TERF2: variants seen among roughly 807,000 people sequenced by gnomAD.
TERF2 encodes the protein telomeric repeat binding factor 2.
TERF2 carries 16 observed loss-of-function variants against 56.1 expected under a neutral mutation model. That is an observed-to-expected ratio of 0.29 (90% CI 0.19 to 0.43). The LOEUF (loss-of-function observed/expected upper bound fraction) is 0.43, where lower values mean the gene tolerates loss of function less well. TERF2 is among the 20% of genes least tolerant of loss of function. The probability of loss-of-function intolerance (pLI) is 1.00; values close to 1 mark genes in which losing one functional copy is unlikely to be tolerated. For synonymous variants in TERF2, 296 were observed against 282.1 expected (o/e 1.05, Z -0.50); for missense variants, 547 against 712.9 (o/e 0.77, Z 2.65).
At chr16:69,375,858 T>C (rs1268158155) in intron 3 of TERF2, among the ~76,000 whole-genome samples, 3 of 151,786 alleles carry the variant, frequency 2.0e-5, no homozygotes, top group Non-Finnish European at 2.9e-5. Context: ...TTTCATGTAA[T>C]TTTTTTTTAC....
chr16:69,371,679 G>A (rs935535598), intron 4 of TERF2, among the ~76,000 whole-genome samples: 8 of 152,034 alleles, frequency 5.3e-5, no homozygotes, highest in Middle Eastern at 3.2e-3. Context: ...GCCATGTGTG[G>A]TGGCATGCAG....
rs1461020809 is a variant in TERF2 at position 69,366,985 on chromosome 16, C to T, written c.1162G>A (p.Gly388Ser). ...TTCTTGGGCTGCAGTTCCGAGCCAC[C>T]CTCACCGTCAGCCGGGGCTGAACTT... is the stretch of plus-strand genomic sequence containing the variant. ...NESSAPADGEGGSELQPKNKR... is the reference protein window; with the variant it reads ...NESSAPADGESGSELQPKNKR... The change falls in exon 7 of 10, where the codon GGT (glycine) becomes AGT (serine). Residue 388 changes from glycine to serine, a missense_variant. This residue lies in a region of TERF2 where 211 missense variants were observed against 236.8 expected (regional missense o/e 0.89). Coordinates refer to ENST00000254942, the MANE Select transcript of TERF2 (RefSeq NM_005652.5). 1 of 1,614,178 alleles carries T rather than the reference C, an allele frequency of 6.2e-7. No homozygotes were observed. Among genetic ancestry groups the T allele is most frequent in the South Asian group, 1.1e-5 (1 of 91,086 alleles).
intron 3 of TERF2, among the ~76,000 whole-genome samples, chr16:69,374,916 G>T (rs777696264): frequency 1.1e-4 from 17 of 151,872 alleles, no homozygotes; most frequent in Admixed American, 2.0e-4. Context: ...AGTGAGCCGA[G>T]ATTGCGCCAC....
At chr16:69,383,121 G>A (rs757476863) in intron 3 of TERF2, among the ~76,000 whole-genome samples, 3 of 152,112 alleles carry the variant, frequency 2.0e-5, no homozygotes, top group Non-Finnish European at 2.9e-5. Context: ...TCCAGAAGAG[G>A]GGCCAGATGG....
chr16:69,371,061 GA>G lies in TERF2; in HGVS notation c.694-433del, dbSNP rs796146906. Among the ~76,000 whole-genome samples the G allele has an allele frequency of 5.4e-3, 752 of 138,170 alleles. 11 individuals carry two copies. Among genetic ancestry groups the G allele is most frequent in the African/African-American group, 0.017 (641 of 37,662 alleles). The allele number at this position is 138,170 out of a possible 152,430, so 90.6% of individuals were successfully genotyped here. ...ATAGAGGATCTTTGAAAGGATAAAA[GA>G]AAAAAAAAAAGAAATTGGTTGCCTC... On this transcript the variant is annotated intron_variant, in intron 4 of 9. Transcript: ENST00000254942.
chr16:69,360,705 CAAAAAAAAAAAA>C (rs1204701669), intron 8 of TERF2, among the ~76,000 whole-genome samples: 1 of 65,470 alleles, frequency 1.5e-5, no homozygotes, highest in Non-Finnish European at 2.9e-5. Flanking sequence ...GACCCTGTCT[CAAAAAAAAAAAA>C]AAAAAAAAAG....
intron 5 of TERF2, chr16:69,370,278 C>G: frequency 1.6e-6 from 1 of 615,824 alleles, no homozygotes; most frequent in Non-Finnish European, 2.7e-6. Context: ...TGATCCACCC[C>G]CCTGGGCCTC....
Position 69,385,600 on chromosome 16 carries a change from G to A in TERF2, c.372C>T (p.Ile124=). Residue 124 remains isoleucine (I), a synonymous_variant, in exon 1 of 10, where the codon ATC becomes ATT. Coordinates refer to ENST00000254942, the MANE Select transcript of TERF2 (RefSeq NM_005652.5). ...RYGDFRQIRD[I]MQALLVRPLG... is the part of the protein sequence containing the mutation. ...CCCCGGCCCGGCCCTCACCCTGCAT[G>A]ATGTCCCGGATCTGTCTGAAGTCCC... The A allele has an allele frequency of 6.3e-7, 1 of 1,599,738 alleles. No individual in the cohort carries two copies. The highest frequency in any genetic ancestry group is 8.5e-7 in the Non-Finnish European group (1 of 1,175,366).
chr16:69,361,313 A>G, intron 8 of TERF2, 91 bp downstream of exon 8: 1 of 898,974 alleles, frequency 1.1e-6, no homozygotes, highest in Admixed American at 2.0e-5. Context: ...TAGTTCGGAG[A>G]CAAGCAGCTT....
intron 8 of TERF2, among the ~76,000 whole-genome samples, chr16:69,360,436 G>A (rs2013091489): frequency 6.6e-6 from 1 of 151,852 alleles, no homozygotes; most frequent in Non-Finnish European, 1.5e-5. Context: ...TGGTATGGTG[G>A]CTCACAAGTA....
chr16:69,383,580 C>G (rs1014434590), intron 3 of TERF2, among the ~76,000 whole-genome samples: 2 of 152,192 alleles, frequency 1.3e-5, no homozygotes, highest in Non-Finnish European at 2.9e-5. Context: ...TTGGAAATGA[C>G]TAATATTTAA....
chr16:69,364,570 T>C (rs929788664), intron 7 of TERF2, among the ~76,000 whole-genome samples: 6 of 151,796 alleles, frequency 4.0e-5, no homozygotes, highest in Non-Finnish European at 5.9e-5. Context: ...CTTCACTCTT[T>C]CCTATGCACC....
chr16:69,372,336 T>C lies in TERF2; in HGVS notation c.626A>G (p.Lys209Arg), dbSNP rs1375522278. The C allele has an allele frequency of 1.2e-6, 2 of 1,610,770 alleles. No individual in the cohort carries two copies. The highest frequency in any genetic ancestry group is 1.7e-6 in the Non-Finnish European group (2 of 1,178,404). ...TGAAGCCTTTTCAAATTCTTTGTTT[T>C]TGATACAAATAATGACAGCCTAAAA... is the stretch of plus-strand genomic sequence containing the variant. ...VKEAAVIICIKNKEFEKASKI... is the reference protein window; with the variant it reads ...VKEAAVIICIRNKEFEKASKI... The change falls in exon 4 of 10, where the codon AAA (lysine) becomes AGA (arginine). Residue 209 changes from lysine (K) to arginine (R), a missense_variant. By Grantham distance (26) the Lys-to-Arg change is conservative. Coordinates refer to ENST00000254942, the MANE Select transcript of TERF2 (RefSeq NM_005652.5).
At chr16:69,372,781 A>C (rs2013625752) in intron 3 of TERF2, among the ~76,000 whole-genome samples, 1 of 151,956 alleles carries the variant, frequency 6.6e-6, no homozygotes, top group Non-Finnish European at 1.5e-5. Context: ...ACAAACAAAC[A>C]ATTATTGTTC....
At chr16:69,359,283 T>A (rs2013036627) in intron 8 of TERF2, among the ~76,000 whole-genome samples, 1 of 152,192 alleles carries the variant, frequency 6.6e-6, no homozygotes, top group Non-Finnish European at 1.5e-5. Context: ...ATCCCAGCAC[T>A]TTGGGAGGCC....
intron 3 of TERF2, among the ~76,000 whole-genome samples, chr16:69,374,964 C>CA (rs1469472250): frequency 2.6e-5 from 4 of 151,864 alleles, no homozygotes; most frequent in Non-Finnish European, 5.9e-5. Flanking sequence ...GACTCCGTCT[C>CA]AAAAAACAAG....
At chr16:69,370,259 G>A (rs1196335632) in intron 5 of TERF2, 1 of 531,826 alleles carries the variant, frequency 1.9e-6, no homozygotes, top group East Asian at 3.1e-5. Context: ...TCGAACTCCT[G>A]ACCTCAGGTG....
At chr16:69,370,957 G>T (rs1011923137) in intron 4 of TERF2, among the ~76,000 whole-genome samples, 2 of 151,326 alleles carry the variant, frequency 1.3e-5, no homozygotes, top group Non-Finnish European at 2.9e-5. Flanking sequence ...GTATGTGTAT[G>T]AGAAGAATGG....
intron 6 of TERF2, 135 bp downstream of exon 6, chr16:69,368,241 T>G: frequency 1.3e-6 from 1 of 759,972 alleles, no homozygotes; most frequent in Non-Finnish European, 2.1e-6. Context: ...TCTCCCCCAG[T>G]GCCTTGTATG....
Sources: allele counts gnomAD v4.1 joint callset (sites outside exome capture counted in the v4.1 genomes callset), GRCh38; gene constraint gnomAD v4.1.1; regional missense constraint gnomAD v4.1.1; transcripts MANE v1.5; gene names NCBI Gene and HGNC (gene_info 2026-07-23, HGNC 2026-07-21).